Variants in IL1RAPL1 observed in about 807,000 individuals in gnomAD.
The protein encoded by IL1RAPL1 is interleukin 1 receptor accessory protein like 1.
In IL1RAPL1, 3 loss-of-function variants were observed where a neutral mutation model predicts 48.4. The ratio of observed to expected loss-of-function variants is 0.06; its 90% CI spans 0.03 to 0.16. IL1RAPL1 has a LOEUF of 0.16. Ranked by LOEUF, IL1RAPL1 falls within the 10% of genes least tolerant of loss-of-function variation. The pLI is 1.00. For synonymous variants in IL1RAPL1, 185 were observed against 187.7 expected (o/e 0.99, Z 0.12); for missense variants, 349 against 530.6 (o/e 0.66, Z 3.36).
chrX:29,194,497 A>G (rs1163016155), intron 2 of IL1RAPL1, among the ~76,000 whole-genome samples: 2 of 112,593 alleles, frequency 1.8e-5, no homozygotes, highest in East Asian at 2.8e-4. Flanking sequence ...GCTAGACACT[A>G]TTACAGAAGC....
At chrX:29,855,903 G>A (rs184908099) in intron 6 of IL1RAPL1, among the ~76,000 whole-genome samples, 20 of 111,077 alleles carry the variant, frequency 1.8e-4, no homozygotes, top group Admixed American at 1.6e-3. Flanking sequence ...CAGTACCTGA[G>A]TCTCTCAGTT....
intron 2 of IL1RAPL1, among the ~76,000 whole-genome samples, chrX:29,216,346 C>T (rs1392070993): frequency 4.5e-5 from 5 of 110,152 alleles, no homozygotes; most frequent in Non-Finnish European, 9.5e-5. Flanking sequence ...CGTGCCACCA[C>T]GCCTGGCTAA....
intron 6 of IL1RAPL1, among the ~76,000 whole-genome samples, chrX:29,811,440 GTTT>G (rs749611607): frequency 1.9e-3 from 188 of 97,974 alleles, no homozygotes; most frequent in African/African-American, 6.5e-3. Flanking sequence ...GCCTTTTCAC[GTTT>G]TTTTTTTTTT....
chrX:29,556,367 G>A (rs1922000357), intron 5 of IL1RAPL1, among the ~76,000 whole-genome samples: 1 of 111,860 alleles, frequency 8.9e-6, no homozygotes, highest in East Asian at 2.8e-4. Flanking sequence ...TTTAAGATCA[G>A]GCCAGGCGTA....
At chrX:28,620,825 A>ATTTACCTTT (rs1380039224) in intron 1 of IL1RAPL1, among the ~76,000 whole-genome samples, 8 of 111,973 alleles carry the variant, frequency 7.1e-5, no homozygotes, top group Non-Finnish European at 1.1e-4. Flanking sequence ...CATCAACTTC[A>ATTTACCTTT]TTTACCTTTT....
intron 2 of IL1RAPL1, among the ~76,000 whole-genome samples, chrX:29,235,841 TTGA>T (rs1211157745): frequency 8.9e-6 from 1 of 112,076 alleles, no homozygotes; most frequent in East Asian, 2.8e-4. Context: ...TGAACTGATG[TTGA>T]TGTTAAAACT....
chrX:29,220,217 G>A (rs1356661512), intron 2 of IL1RAPL1, among the ~76,000 whole-genome samples: 1 of 111,673 alleles, frequency 9.0e-6, no homozygotes, highest in Non-Finnish European at 1.9e-5. Flanking sequence ...TTAAAGACAG[G>A]TATTTTTTAG....
At chrX:28,849,013 T>C (rs12388067) in intron 2 of IL1RAPL1, among the ~76,000 whole-genome samples, 1,234 of 111,323 alleles carry the variant, frequency 0.011, 25 homozygotes, top group African/African-American at 0.038. Context: ...AAGCTGATAG[T>C]ATTATTGTCT....
intron 1 of IL1RAPL1, among the ~76,000 whole-genome samples, chrX:28,750,495 G>GA (rs1936029323): frequency 9.0e-6 from 1 of 111,214 alleles, no homozygotes; most frequent in Non-Finnish European, 1.9e-5. Context: ...TTAAATGTCA[G>GA]AAAAAATTTT....
intron 6 of IL1RAPL1, among the ~76,000 whole-genome samples, chrX:29,800,612 ATATT>A (rs1327200716): frequency 1.8e-5 from 2 of 109,964 alleles, no homozygotes; most frequent in Non-Finnish European, 3.8e-5. Flanking sequence ...TTGTTTCAAA[ATATT>A]TATGCATAAA....
chrX:29,201,114 A>G (rs188275940), intron 2 of IL1RAPL1, among the ~76,000 whole-genome samples: 78 of 111,578 alleles, frequency 7.0e-4, no homozygotes, highest in Non-Finnish European at 1.3e-3. Flanking sequence ...GGAAAAATAG[A>G]TACAGTGTCT....
At chrX:28,655,666 T>C (rs1249442578) in intron 1 of IL1RAPL1, among the ~76,000 whole-genome samples, 1 of 112,119 alleles carries the variant, frequency 8.9e-6, no homozygotes, top group African/African-American at 3.2e-5. Flanking sequence ...AAGGCTAACA[T>C]AATATTTGCT....
chrX:29,569,886 T>C (rs1442905500), intron 5 of IL1RAPL1, among the ~76,000 whole-genome samples: 1 of 112,002 alleles, frequency 8.9e-6, no homozygotes, highest in Non-Finnish European at 1.9e-5. Flanking sequence ...GGTAGTGTTA[T>C]TTGCAGCTGA....
intron 1 of IL1RAPL1, among the ~76,000 whole-genome samples, chrX:28,733,305 A>G (rs748518376): frequency 7.2e-5 from 8 of 110,865 alleles, no homozygotes; most frequent in Non-Finnish European, 1.1e-4. Flanking sequence ...AATCTTAACA[A>G]TATTTTTGTA....
At chrX:29,918,744 C>T (rs773010917) in intron 7 of IL1RAPL1, among the ~76,000 whole-genome samples, 19 of 111,585 alleles carry the variant, frequency 1.7e-4, no homozygotes, top group Non-Finnish European at 3.4e-4. Context: ...TATTTGAAGG[C>T]ATAATGCCTA....
intron 1 of IL1RAPL1, among the ~76,000 whole-genome samples, chrX:28,744,619 T>C (rs1935951514): frequency 8.9e-6 from 1 of 111,813 alleles, no homozygotes; most frequent in Non-Finnish European, 1.9e-5. Flanking sequence ...ATGAATTCAT[T>C]TAGCAATGAT....
chrX:29,221,620 TACACACACACAC>T (rs35088625), intron 2 of IL1RAPL1, among the ~76,000 whole-genome samples: 2,403 of 79,334 alleles, frequency 0.03, 30 homozygotes, highest in Middle Eastern at 0.047. Flanking sequence ...TACACACACA[TACACACACACAC>T]ACACACACAC....
At chrX:29,668,838 T>C (rs963772577) in intron 6 of IL1RAPL1, among the ~76,000 whole-genome samples, 4 of 111,794 alleles carry the variant, frequency 3.6e-5, no homozygotes, top group African/African-American at 1.3e-4. Context: ...TGATTTATAA[T>C]ATCTATTAAT....
chrX:28,986,812 A>C (rs1925486598), intron 2 of IL1RAPL1, among the ~76,000 whole-genome samples: 1 of 112,297 alleles, frequency 8.9e-6, no homozygotes, highest in South Asian at 3.7e-4. Flanking sequence ...CTTAGGATTA[A>C]GTATAGTCAA....
Sources: allele counts gnomAD v4.1 joint callset (sites outside exome capture counted in the v4.1 genomes callset), GRCh38; gene constraint gnomAD v4.1.1; transcripts MANE v1.5; gene names NCBI Gene and HGNC (gene_info 2026-07-23, HGNC 2026-07-21).